ZNF385B: variants seen among roughly 807,000 people sequenced by gnomAD.
ZNF385B encodes the protein zinc finger protein 533.
Under a neutral mutation model 39.2 loss-of-function variants are expected in ZNF385B, and 23 were observed. That is an observed-to-expected ratio of 0.59 (90% CI 0.42 to 0.83). The LOEUF (loss-of-function observed/expected upper bound fraction) is 0.83. Among genes scored for constraint, ZNF385B ranks in the 40% least tolerant of loss-of-function variants. ZNF385B has a pLI of 0.00. For synonymous variants in ZNF385B, 205 were observed against 222.6 expected, an observed-to-expected ratio of 0.92 and a Z score of 0.70; for missense variants, 552 against 598.9, an observed-to-expected ratio of 0.92 and a Z score of 0.82.
At chr2:179,638,114 A>C (rs1691924833) in intron 3 of ZNF385B, among the ~76,000 whole-genome samples, 1 of 152,208 alleles carries the variant, frequency 6.6e-6, no homozygotes, top group Non-Finnish European at 1.5e-5. Context: ...TTGATTATGA[A>C]AGATGAATAA....
At chr2:179,752,024 G>A (rs1487825394) in intron 3 of ZNF385B, among the ~76,000 whole-genome samples, 2 of 152,054 alleles carry the variant, frequency 1.3e-5, no homozygotes, top group East Asian at 1.9e-4. Context: ...CCATGTTCGT[G>A]TGCTGCACCC....
chr2:179,471,758 T>C (rs1170123229), intron 6 of ZNF385B, among the ~76,000 whole-genome samples: 1 of 152,190 alleles, frequency 6.6e-6, no homozygotes, highest in Non-Finnish European at 1.5e-5. Context: ...AGCTGTAAAT[T>C]TCATTTTATA....
At chr2:179,689,344 T>G (rs1054548956) in intron 3 of ZNF385B, among the ~76,000 whole-genome samples, 3 of 152,168 alleles carry the variant, frequency 2.0e-5, no homozygotes, top group African/African-American at 7.2e-5. Context: ...CCACAGCATA[T>G]GCATATGCAT....
chr2:179,717,652 C>G (rs968532351), intron 3 of ZNF385B, among the ~76,000 whole-genome samples: 3 of 152,166 alleles, frequency 2.0e-5, no homozygotes, highest in Non-Finnish European at 4.4e-5. Flanking sequence ...CAACTGAGCC[C>G]AGGAGCTTGA....
At chr2:179,809,778 G>C (rs145581026) in intron 1 of ZNF385B, among the ~76,000 whole-genome samples, 281 of 152,096 alleles carry the variant, frequency 1.8e-3, no homozygotes, top group African/African-American at 6.3e-3. Flanking sequence ...AATGAATCAT[G>C]ACCCTGAATT....
At chr2:179,664,209 C>T (rs867883671) in intron 3 of ZNF385B, among the ~76,000 whole-genome samples, 2 of 150,894 alleles carry the variant, frequency 1.3e-5, no homozygotes, top group Middle Eastern at 3.4e-3. Context: ...ACCAATATTT[C>T]ACATTTTTCT....
At chr2:179,632,542 A>G (rs878932242) in intron 3 of ZNF385B, among the ~76,000 whole-genome samples, 1 of 152,232 alleles carries the variant, frequency 6.6e-6, no homozygotes, top group Non-Finnish European at 1.5e-5. Flanking sequence ...TCTGGGACAC[A>G]TTTAAAGCAG....
chr2:179,512,257 T>C (rs1203736839), intron 5 of ZNF385B, among the ~76,000 whole-genome samples: 2 of 152,156 alleles, frequency 1.3e-5, no homozygotes, highest in African/African-American at 4.8e-5. Flanking sequence ...ATAATAATAA[T>C]ATAATCTCTG....
At chr2:179,775,149 C>A (rs1321269445) in intron 1 of ZNF385B, among the ~76,000 whole-genome samples, 1 of 152,036 alleles carries the variant, frequency 6.6e-6, no homozygotes, top group Non-Finnish European at 1.5e-5. Flanking sequence ...TCAGAGAAAA[C>A]TAAAAGGTCA....
At chr2:179,721,387 A>G (rs1177363047) in intron 3 of ZNF385B, among the ~76,000 whole-genome samples, 3 of 152,150 alleles carry the variant, frequency 2.0e-5, no homozygotes, top group African/African-American at 7.2e-5. Flanking sequence ...TATAAAGGTG[A>G]GTTTTTCTAA....
intron 3 of ZNF385B, among the ~76,000 whole-genome samples, chr2:179,643,859 T>C (rs1348343211): frequency 2.0e-5 from 3 of 152,164 alleles, no homozygotes. Flanking sequence ...AAGTTCATTT[T>C]ATTGTTTATT....
At chr2:179,666,776 G>A (rs1695216866) in intron 3 of ZNF385B, among the ~76,000 whole-genome samples, 1 of 152,162 alleles carries the variant, frequency 6.6e-6, no homozygotes, top group Admixed American at 6.6e-5. Context: ...ACTTATGTTA[G>A]ACTAATGTTT....
At position 179,505,187 on chromosome 2, in the gene ZNF385B, C is replaced by T. The variant is rs190281595; in HGVS notation, c.552+13341G>A. Among the ~76,000 whole-genome samples, 65 of 151,966 alleles carry T rather than the reference C, an allele frequency of 4.3e-4. 3 individuals are homozygous for T. Among genetic ancestry groups the T allele is most frequent in the African/African-American group, 1.5e-3 (62 of 41,406 alleles). On this transcript the variant is annotated intron_variant, in intron 5 of 9. Transcript: ENST00000410066. ...GTGGCAGAGGTTACTTGACTGTATA[C>T]ATTCGTCAAACTCATATTCATGAAT...
chr2:179,573,475 T>C (rs564719352), intron 3 of ZNF385B, among the ~76,000 whole-genome samples: 1 of 152,182 alleles, frequency 6.6e-6, no homozygotes, highest in South Asian at 2.1e-4. Flanking sequence ...ATAGGTTCAG[T>C]TTTTCTTGAA....
chr2:179,469,758 A>G (rs986836687), intron 6 of ZNF385B, among the ~76,000 whole-genome samples: 5 of 152,168 alleles, frequency 3.3e-5, no homozygotes, highest in Admixed American at 3.3e-4. Flanking sequence ...GGAAGGGTAG[A>G]GTCCTTTCTA....
At chr2:179,714,582 C>T (rs1339103837) in intron 3 of ZNF385B, among the ~76,000 whole-genome samples, 1 of 152,150 alleles carries the variant, frequency 6.6e-6, no homozygotes, top group Non-Finnish European at 1.5e-5. Flanking sequence ...AGAAGAATCA[C>T]CCTTAGGAAG....
chr2:179,506,693 G>A (rs1452721572), intron 5 of ZNF385B, among the ~76,000 whole-genome samples: 2 of 151,966 alleles, frequency 1.3e-5, no homozygotes, highest in Non-Finnish European at 2.9e-5. Flanking sequence ...TAGTGGCATA[G>A]TACTGTATTC....
chr2:179,755,098 T>G (rs1434919414), intron 3 of ZNF385B, among the ~76,000 whole-genome samples: 2 of 152,228 alleles, frequency 1.3e-5, no homozygotes, highest in Admixed American at 1.3e-4. Context: ...TACACACTGC[T>G]TTAAATGTGT....
intron 3 of ZNF385B, among the ~76,000 whole-genome samples, chr2:179,585,406 G>C (rs1686977853): frequency 6.6e-6 from 1 of 152,090 alleles, no homozygotes; most frequent in Non-Finnish European, 1.5e-5. Flanking sequence ...ATGATTCAGG[G>C]TGTCTTTATA....
Sources: gnomAD v4.1 joint callset for allele counts (sites outside exome capture counted in the v4.1 genomes callset) on GRCh38, gnomAD v4.1.1 for gene constraint, MANE v1.5 for transcripts, NCBI Gene and HGNC (gene_info 2026-07-23, HGNC 2026-07-21) for gene names.